RAB7A: variants seen among roughly 807,000 people sequenced by gnomAD.
The protein encoded by RAB7A is RAB7A, member RAS oncogene family, also known as ras-related protein Rab-7a.
A neutral mutation model predicts 24.5 loss-of-function variants in RAB7A; 2 were observed. The ratio of observed to expected loss-of-function variants is 0.08; its 90% CI spans 0.03 to 0.26. The LOEUF (loss-of-function observed/expected upper bound fraction) is 0.26. Ranked by LOEUF, RAB7A falls within the 10% of genes least tolerant of loss-of-function variation. RAB7A has a pLI of 1.00. For missense variants in RAB7A, 118 were observed against 255.7 expected, an observed-to-expected ratio of 0.46 and a Z score of 3.67; for synonymous variants, 100 against 95.9, an observed-to-expected ratio of 1.04 and a Z score of -0.25.
At chr3:128,797,479 C>T (rs1326330218) in intron 2 of RAB7A, among the ~76,000 whole-genome samples, 1 of 152,212 alleles carries the variant, frequency 6.6e-6, no homozygotes, top group Non-Finnish European at 1.5e-5. Context: ...AGCAAATTGT[C>T]TGAGTGGTGT....
chr3:128,795,282 C>T, intron 1 of RAB7A, 78 bp from the exon 2 acceptor site: 1 of 1,238,212 alleles, frequency 8.1e-7, no homozygotes, highest in South Asian at 1.2e-5. Context: ...TGGGGCTGCT[C>T]AGACATTTGT....
At chr3:128,791,342 T>C (rs1039542448) in intron 1 of RAB7A, among the ~76,000 whole-genome samples, 1 of 152,170 alleles carries the variant, frequency 6.6e-6, no homozygotes, top group Non-Finnish European at 1.5e-5. Context: ...AGTTTTCCCA[T>C]GTTGGCCAGG....
In RAB7A at chr3:128,795,987, G is replaced by A. The variant is rs77523708; in HGVS notation, c.53+567G>A. ...AGGATGGTCTTGATCTCCTGACCTCGTGATCCGCCTGCCTCGGCCTCCCAA... is the reference window on the plus strand; with the variant it reads ...AGGATGGTCTTGATCTCCTGACCTCATGATCCGCCTGCCTCGGCCTCCCAA... On this transcript the variant is annotated intron_variant, in intron 2 of 5. Transcript: ENST00000265062. Among the ~76,000 whole-genome samples, 16 of 151,850 alleles carry A rather than the reference G, an allele frequency of 1.1e-4. No individual in the cohort carries two copies. In the East Asian group the frequency reaches 2.1e-3, roughly 20 times the overall value.
At chr3:128,801,421 A>G (rs1043593140) in intron 3 of RAB7A, among the ~76,000 whole-genome samples, 4 of 1,960 alleles carry the variant, frequency 2.0e-3, no homozygotes, top group Non-Finnish European at 0.013. Flanking sequence ...TTTGATGAGT[A>G]GGTTTGTGGC....
chr3:128,789,427 CTGGGTTCAAG>C (rs1486709038), intron 1 of RAB7A, among the ~76,000 whole-genome samples: 2 of 151,422 alleles, frequency 1.3e-5, no homozygotes, highest in Non-Finnish European at 2.9e-5. Context: ...CCTCTGCCTC[CTGGGTTCAAG>C]TGATTCTCCT....
In RAB7A at chr3:128,774,096, GA is replaced by G. The variant is rs1360792574; in HGVS notation, c.-8-21256del. ...GATCAATTAAAAAAAAAAAAAAAAAGAAAAAAAATTTTTTTAAATATAAGGT... is the reference window on the plus strand; with the variant it reads ...GATCAATTAAAAAAAAAAAAAAAAAGAAAAAAATTTTTTTAAATATAAGGT... On this transcript the variant is annotated intron_variant, in intron 1 of 5. Transcript: ENST00000265062. Among the ~76,000 whole-genome samples, 20 of 110,610 alleles carry G rather than the reference GA, an allele frequency of 1.8e-4. No homozygotes were observed. In the East Asian group the frequency reaches 2.5e-3, roughly 14 times the overall value. The allele number at this position is 110,610 out of a possible 152,430, so 72.6% of individuals were successfully genotyped here.
At chr3:128,741,030 T>C (rs936826318) in intron 1 of RAB7A, among the ~76,000 whole-genome samples, 6 of 151,740 alleles carry the variant, frequency 4.0e-5, no homozygotes, top group African/African-American at 1.4e-4. Flanking sequence ...GTATAATAAA[T>C]GTAGAAAAAA....
intron 3 of RAB7A, among the ~76,000 whole-genome samples, chr3:128,805,682 C>T (rs1038418839): frequency 4.0e-5 from 6 of 151,888 alleles, no homozygotes; most frequent in South Asian, 2.1e-4. Flanking sequence ...GACAGAGTTT[C>T]GCTCTTATCA....
chr3:128,795,838 G>A (rs1026083114), intron 2 of RAB7A, among the ~76,000 whole-genome samples: 2 of 141,830 alleles, frequency 1.4e-5, no homozygotes, highest in South Asian at 4.5e-4. Flanking sequence ...TGCAAGCTCC[G>A]CCTCCCGGAT....
At chr3:128,744,999 G>A (rs1052899959) in intron 1 of RAB7A, among the ~76,000 whole-genome samples, 2 of 150,172 alleles carry the variant, frequency 1.3e-5, no homozygotes, top group African/African-American at 2.5e-5. Context: ...TCAGCATCCC[G>A]AGTAGCTGGG....
At chr3:128,767,490 T>G (rs184762909) in intron 1 of RAB7A, among the ~76,000 whole-genome samples, 178 of 151,530 alleles carry the variant, frequency 1.2e-3, no homozygotes, top group Admixed American at 3.0e-3. Context: ...AAATTAGGAG[T>G]CAAGAAGTAA....
At chr3:128,781,526 A>G (rs1933221569) in intron 1 of RAB7A, among the ~76,000 whole-genome samples, 1 of 152,058 alleles carries the variant, frequency 6.6e-6, no homozygotes, top group African/African-American at 2.4e-5. Context: ...TTCAAAAAAG[A>G]AAAGCTGGGC....
Position 128,813,603 on chromosome 3 carries a change from GCA to G in RAB7A, c.*196_*197del, listed in dbSNP as rs139417205. Reference sequence around the variant, plus strand: ...ATATCTCTCACACACACACACACACGCACACACACACACACAGATCTGACGTA... The same window carrying G: ...ATATCTCTCACACACACACACACACGCACACACACACACAGATCTGACGTA... On this transcript the variant is annotated 3_prime_UTR_variant, in exon 6 of 6. Transcript: ENST00000265062. 0.012 allele frequency: 5,528 copies of G among 474,228 alleles called. 2 individuals are homozygous for G. Among genetic ancestry groups the G allele is most frequent in the East Asian group, 0.026 (656 of 25,588 alleles). The allele number at this position is 474,228 out of a possible 1,614,324, so 29.4% of individuals were successfully genotyped here. A position where few individuals can be genotyped will look rare whatever the true frequency, so the allele number is the denominator to read the frequency against.
chr3:128,751,885 C>G (rs1259785501), intron 1 of RAB7A, among the ~76,000 whole-genome samples: 1 of 152,122 alleles, frequency 6.6e-6, no homozygotes, highest in Non-Finnish European at 1.5e-5. Context: ...ATGCTGTTCT[C>G]GAGTTAGGGA....
At chr3:128,764,776 AT>A in intron 1 of RAB7A, 1 of 830,976 alleles carries the variant, frequency 1.2e-6, no homozygotes, top group Non-Finnish European at 2.1e-6. Context: ...CTGAAGGAAG[AT>A]TTGGCCACCA....
chr3:128,804,414 A>G (rs763233442), intron 3 of RAB7A, among the ~76,000 whole-genome samples: 8 of 152,094 alleles, frequency 5.3e-5, no homozygotes, highest in South Asian at 2.1e-4. Flanking sequence ...AAGCTAATAC[A>G]CTTTCACTTT....
intron 1 of RAB7A, among the ~76,000 whole-genome samples, chr3:128,730,422 G>A (rs2070424330): frequency 6.6e-6 from 1 of 152,032 alleles, no homozygotes; most frequent in Non-Finnish European, 1.5e-5. Flanking sequence ...TAGAGACGGG[G>A]TTTCACCGTG....
intron 1 of RAB7A, among the ~76,000 whole-genome samples, chr3:128,744,300 A>G (rs566785831): frequency 1.4e-4 from 22 of 152,272 alleles, no homozygotes; most frequent in Middle Eastern, 6.8e-3. Context: ...CTGGAGCATA[A>G]AAGTACAATA....
intron 3 of RAB7A, among the ~76,000 whole-genome samples, chr3:128,805,209 C>T (rs1933777388): frequency 6.6e-6 from 1 of 152,100 alleles, no homozygotes; most frequent in South Asian, 2.1e-4. Context: ...ATTGGAGAAC[C>T]AGGAGAGCAC....
Sources: allele counts gnomAD v4.1 joint callset (sites outside exome capture counted in the v4.1 genomes callset), GRCh38; gene constraint gnomAD v4.1.1; transcripts MANE v1.5; gene names NCBI Gene and HGNC (gene_info 2026-07-23, HGNC 2026-07-21).